The following CAST variants were observed in gnomAD, a reference collection of about 807,000 sequenced individuals.
CAST encodes the protein MIR583 host.
A neutral mutation model predicts 119.6 loss-of-function variants in CAST; 76 were observed. That is an observed-to-expected ratio of 0.64 (90% CI 0.53 to 0.77). The LOEUF is 0.77. Ranked by LOEUF, CAST falls within the 30% of genes least tolerant of loss-of-function variation. The probability of loss-of-function intolerance (pLI) is 0.00; values close to 1 mark genes in which losing one functional copy is unlikely to be tolerated. For missense variants in CAST, 953 were observed against 946.5 expected, an observed-to-expected ratio of 1.01 and a Z score of -0.09; for synonymous variants, 319 against 331.6, an observed-to-expected ratio of 0.96 and a Z score of 0.41.
the CAST span, among the ~76,000 whole-genome samples, chr5:96,312,105 T>G: frequency 1.3e-5 from 2 of 152,086 alleles, no homozygotes; most frequent in Non-Finnish European, 2.9e-5. Context: ...TGCTTTCTGG[T>G]TACCATGAGG....
the CAST span, among the ~76,000 whole-genome samples, chr5:96,208,164 A>G: frequency 1.3e-5 from 2 of 150,092 alleles, no homozygotes; most frequent in Admixed American, 6.6e-5. Flanking sequence ...GTCAGTGGTA[A>G]TGTCCCCTTT....
intron 16 of CAST, among the ~76,000 whole-genome samples, chr5:96,744,917 C>T (rs1425525411): frequency 6.6e-6 from 1 of 152,232 alleles, no homozygotes; most frequent in Non-Finnish European, 1.5e-5. Flanking sequence ...TTATAAGTCT[C>T]CCACATTTTT....
intron 16 of CAST, 33 bp from the exon 17 acceptor site, chr5:96,746,309 A>G: frequency 8.1e-7 from 1 of 1,234,044 alleles, no homozygotes; most frequent in Non-Finnish European, 1.2e-6. Flanking sequence ...TGCATTATCC[A>G]ACTACTTTTT....
chr5:96,537,450 G>T (rs1745840583), intron 1 of CAST, among the ~76,000 whole-genome samples: 1 of 152,114 alleles, frequency 6.6e-6, no homozygotes, highest in South Asian at 2.1e-4. Context: ...CATCTAATTT[G>T]TATTGCTGGA....
chr5:96,539,768 T>G (rs1404972958), intron 1 of CAST, among the ~76,000 whole-genome samples: 1 of 152,212 alleles, frequency 6.6e-6, no homozygotes, highest in Non-Finnish European at 1.5e-5. Flanking sequence ...GCACATAGTT[T>G]GATCTTCCTT....
the CAST span, among the ~76,000 whole-genome samples, chr5:96,297,089 T>G: frequency 6.6e-6 from 1 of 152,192 alleles, no homozygotes; most frequent in Non-Finnish European, 1.5e-5. Flanking sequence ...TAGAAAGATT[T>G]TAATGCACAA....
chr5:96,135,308 T>A, the CAST span, among the ~76,000 whole-genome samples: 1 of 152,134 alleles, frequency 6.6e-6, no homozygotes, highest in Non-Finnish European at 1.5e-5. Flanking sequence ...AAGAAAATGA[T>A]GGTGTCTGGG....
intron 3 of CAST, among the ~76,000 whole-genome samples, chr5:96,707,448 A>G (rs1755233201): frequency 6.6e-6 from 1 of 151,540 alleles, no homozygotes; most frequent in Admixed American, 6.6e-5. Flanking sequence ...GTGCAGTGGC[A>G]CAATCTCGGC....
At chr5:96,426,057 G>A in the CAST span, 6 of 693,198 alleles carry the variant, frequency 8.7e-6, no homozygotes, top group Non-Finnish European at 1.3e-5. Flanking sequence ...TTTGACTACA[G>A]ATTAAACTGG....
chr5:96,606,908 C>A (rs892690558), intron 1 of CAST, among the ~76,000 whole-genome samples: 1 of 152,180 alleles, frequency 6.6e-6, no homozygotes, highest in Non-Finnish European at 1.5e-5. Flanking sequence ...CCTCCCCAGG[C>A]CAACTGAATC....
chr5:96,053,758 C>T, the CAST span, among the ~76,000 whole-genome samples: 1 of 152,168 alleles, frequency 6.6e-6, no homozygotes, highest in Non-Finnish European at 1.5e-5. Context: ...TAGTAAATAA[C>T]ATTTTATTCA....
At chr5:96,491,383 C>T in the CAST span, among the ~76,000 whole-genome samples, 13,398 of 147,052 alleles carry the variant, frequency 0.091, 897 homozygotes, top group Non-Finnish European at 0.14. Flanking sequence ...CCCAGCTACT[C>T]GGGAGGCTGA....
intron 24 of CAST, 67 bp from the exon 25 acceptor site, chr5:96,762,207 A>G (rs1459304761): frequency 6.5e-6 from 6 of 927,452 alleles, no homozygotes; most frequent in Non-Finnish European, 9.9e-6. Flanking sequence ...AGTTATAGTT[A>G]AGTGATGGCA....
At chr5:96,496,655 G>A in the CAST span, among the ~76,000 whole-genome samples, 1 of 152,212 alleles carries the variant, frequency 6.6e-6, no homozygotes, top group South Asian at 2.1e-4. Flanking sequence ...TAAAGAAAGT[G>A]TGGATAGAAC....
chr5:96,632,512 A>G (rs1200099114), intron 1 of CAST, among the ~76,000 whole-genome samples: 1 of 152,110 alleles, frequency 6.6e-6, no homozygotes, highest in Non-Finnish European at 1.5e-5. Context: ...CTAAAAAACC[A>G]TTTGCTAATC....
the CAST span, among the ~76,000 whole-genome samples, chr5:96,287,380 C>G: frequency 6.6e-6 from 1 of 152,092 alleles, no homozygotes; most frequent in African/African-American, 2.4e-5. Flanking sequence ...TACAAAGAGT[C>G]ATTTCCATGA....
At chr5:96,167,895 G>C in the CAST span, among the ~76,000 whole-genome samples, 49 of 152,288 alleles carry the variant, frequency 3.2e-4, no homozygotes, top group African/African-American at 9.9e-4. Context: ...AAGTGGGTGG[G>C]GGGGCCTGAA....
intron 1 of CAST, among the ~76,000 whole-genome samples, chr5:96,558,501 C>A (rs576082934): frequency 1.3e-5 from 2 of 151,964 alleles, no homozygotes; most frequent in Non-Finnish European, 2.9e-5. Context: ...ATCAAATAGA[C>A]GCACTAAAAA....
chr5:96,496,872 T>A, the CAST span, among the ~76,000 whole-genome samples: 1 of 152,174 alleles, frequency 6.6e-6, no homozygotes, highest in African/African-American at 2.4e-5. Context: ...TATTTTTTTT[T>A]ATTATACTTG....
Sources: gnomAD v4.1 joint callset for allele counts (sites outside exome capture counted in the v4.1 genomes callset) on GRCh38, gnomAD v4.1.1 for gene constraint, MANE v1.5 for transcripts, NCBI Gene and HGNC (gene_info 2026-07-23, HGNC 2026-07-21) for gene names.